Variants in FRY observed in about 807,000 individuals in gnomAD.
FRY encodes FRY microtubule binding protein.
A neutral mutation model predicts 348.4 loss-of-function variants in FRY; 128 were observed. That is an observed-to-expected ratio of 0.37 (90% CI 0.32 to 0.43). The LOEUF (loss-of-function observed/expected upper bound fraction) is 0.43, where lower values mean the gene tolerates loss of function less well. Ranked by LOEUF, FRY falls within the 20% of genes least tolerant of loss-of-function variation. FRY has a pLI of 1.00. For missense variants in FRY, 2,736 were observed against 3,695.2 expected (o/e 0.74, Z 6.73); for synonymous variants, 1,370 against 1,374.7 (o/e 1.00, Z 0.08).
intron 17 of FRY, among the ~76,000 whole-genome samples, chr13:32,167,652 A>T (rs1240133676): frequency 6.6e-6 from 1 of 152,210 alleles, no homozygotes; most frequent in Non-Finnish European, 1.5e-5. Flanking sequence ...AAAATTATGA[A>T]CACTGTCATT....
chr13:32,116,794 G>T (rs554207082), intron 3 of FRY, among the ~76,000 whole-genome samples: 1 of 151,968 alleles, frequency 6.6e-6, no homozygotes, highest in Admixed American at 6.5e-5. Flanking sequence ...AATGTAACAG[G>T]GGGTAAATTA....
At chr13:32,197,041 G>T (rs969836667) in intron 29 of FRY, among the ~76,000 whole-genome samples, 1 of 152,110 alleles carries the variant, frequency 6.6e-6, no homozygotes, top group African/African-American at 2.4e-5. Flanking sequence ...CTAGCTTAAC[G>T]CACCAGAATT....
At chr13:32,054,334 T>A (rs1308070238) in intron 1 of FRY, among the ~76,000 whole-genome samples, 1 of 152,324 alleles carries the variant, frequency 6.6e-6, no homozygotes, top group East Asian at 1.9e-4. Context: ...AAATGCTTTT[T>A]AGAATTTATG....
At chr13:32,210,557 T>A (rs1319819979) in intron 33 of FRY, among the ~76,000 whole-genome samples, 2 of 152,256 alleles carry the variant, frequency 1.3e-5, no homozygotes, top group African/African-American at 4.8e-5. Flanking sequence ...TAAAATTATT[T>A]CTGAAGATGA....
Position 32,261,618 on chromosome 13 carries a change from T to C in FRY, c.7419T>C (p.Gly2473=). The change falls in exon 52 of 61, where the codon GGT becomes GGC. Residue 2473 remains glycine (G), a splice_region_variant and synonymous_variant. Coordinates refer to ENST00000542859, the MANE Select transcript of FRY (RefSeq NM_023037.3). ...ACCGGCTGATGGTGTGATTTCAGGG[T>C]GAGAGTATGGACAATTTCAACTGGG... ...FLDVELEDGE[G]ESMDNFNWGV... is the part of the protein sequence containing the mutation. 6.2e-7 allele frequency: 1 copy of C among 1,613,330 alleles called. No homozygotes were observed. Among genetic ancestry groups the C allele is most frequent in the East Asian group, 2.2e-5 (1 of 44,872 alleles).
At chr13:32,083,258 T>A (rs1191671588) in intron 2 of FRY, among the ~76,000 whole-genome samples, 1 of 152,174 alleles carries the variant, frequency 6.6e-6, no homozygotes, top group Non-Finnish European at 1.5e-5. Flanking sequence ...GATGACTATA[T>A]TTTTTATTCC....
At chr13:32,119,159 A>T (rs151247194) in intron 4 of FRY, among the ~76,000 whole-genome samples, 4 of 152,344 alleles carry the variant, frequency 2.6e-5, no homozygotes, top group Admixed American at 1.3e-4. Context: ...TGAATTTTTA[A>T]AATAAGAGAG....
chr13:32,135,248 A>G (rs1035927084), intron 10 of FRY, 65 bp downstream of exon 10: 24 of 1,002,490 alleles, frequency 2.4e-5, no homozygotes, highest in African/African-American at 9.5e-5. Flanking sequence ...CCTAGACAGG[A>G]ATCTGTTTGA....
chr13:32,118,091 A>G (rs931074735), intron 4 of FRY, among the ~76,000 whole-genome samples: 1 of 152,172 alleles, frequency 6.6e-6, no homozygotes, highest in South Asian at 2.1e-4. Flanking sequence ...TTGCTGCTCC[A>G]GGAGCATATC....
intron 1 of FRY, among the ~76,000 whole-genome samples, chr13:32,073,189 T>C (rs1220907056): frequency 6.6e-6 from 1 of 152,204 alleles, no homozygotes; most frequent in East Asian, 1.9e-4. Context: ...AATGGAGTAC[T>C]TTGTACAGGA....
chr13:32,283,469 T>C (rs1457986818), intron 58 of FRY, among the ~76,000 whole-genome samples: 1 of 151,886 alleles, frequency 6.6e-6, no homozygotes, highest in East Asian at 1.9e-4. Context: ...GGGGCTTGAG[T>C]TTCCAAAAAG....
chr13:32,273,421 A>G (rs1005061376), intron 55 of FRY, among the ~76,000 whole-genome samples: 2 of 151,642 alleles, frequency 1.3e-5, no homozygotes. Flanking sequence ...ACGGGGTTTC[A>G]CCGTGTTAGC....
intron 49 of FRY, among the ~76,000 whole-genome samples, chr13:32,249,890 T>G (rs1475261021): frequency 6.6e-6 from 1 of 152,208 alleles, no homozygotes; most frequent in Non-Finnish European, 1.5e-5. Flanking sequence ...GTCTGACTCT[T>G]TGCTGCTTCT....
At chr13:32,123,647 C>T (rs1878824896) in intron 4 of FRY, among the ~76,000 whole-genome samples, 1 of 152,186 alleles carries the variant, frequency 6.6e-6, no homozygotes, top group Non-Finnish European at 1.5e-5. Flanking sequence ...TCACATTTTA[C>T]AGGTGGTAGA....
At chr13:32,278,438 C>T (rs763080160) in intron 57 of FRY, 27 bp from the exon 58 acceptor site, 2 of 1,230,260 alleles carry the variant, frequency 1.6e-6, no homozygotes, top group Non-Finnish European at 2.4e-6. Context: ...CTGAATTTAC[C>T]TATGTCTTTC....
chr13:32,167,366 C>T (rs898084968), intron 17 of FRY, among the ~76,000 whole-genome samples: 5 of 152,222 alleles, frequency 3.3e-5, no homozygotes, highest in African/African-American at 4.8e-5. Flanking sequence ...CCAAGCCTCT[C>T]ACATGGCTTC....
rs753627910 is a variant in FRY at position 32,208,935 on chromosome 13, C to T, written c.4101C>T (p.Ile1367=). 3.7e-6 allele frequency: 6 copies of T among 1,614,070 alleles called. No homozygotes were observed. The highest frequency in any genetic ancestry group is 1.1e-5 in the South Asian group (1 of 91,084). Residue 1367 remains isoleucine, a synonymous_variant, in exon 32 of 61, where the codon ATC becomes ATT. Coordinates refer to ENST00000542859, the MANE Select transcript of FRY (RefSeq NM_023037.3). ...ACCTGCTGCCCTGGCTGCACAACAT[C>T]GAGCTGGTGGACAGCAGGCTCCTCC... is the stretch of plus-strand genomic sequence containing the variant. ...LTYLLPWLHN[I]ELVDSRLLLP...
chr13:32,070,911 G>A (rs1874613628), intron 1 of FRY, among the ~76,000 whole-genome samples: 1 of 152,184 alleles, frequency 6.6e-6, no homozygotes, highest in African/African-American at 2.4e-5. Flanking sequence ...AAGGGATCCA[G>A]TTTCAGCTTT....
At chr13:32,231,155 G>GTT (rs1885889770) in intron 40 of FRY, 24 bp from the exon 41 acceptor site, 1 of 1,609,594 alleles carries the variant, frequency 6.2e-7, no homozygotes. Flanking sequence ...TTATATTTTT[G>GTT]ACATTTTGTG....
Sources: allele counts gnomAD v4.1 joint callset (sites outside exome capture counted in the v4.1 genomes callset), GRCh38; gene constraint gnomAD v4.1.1; transcripts MANE v1.5; gene names NCBI Gene and HGNC (gene_info 2026-07-23, HGNC 2026-07-21).